The following WDPCP variants were observed in gnomAD, a reference collection of about 807,000 sequenced individuals.
The protein encoded by WDPCP is WD repeat-containing and planar cell polarity effector protein fritz homolog.
A neutral mutation model predicts 93.1 loss-of-function variants in WDPCP; 71 were observed. The observed-to-expected ratio is 0.76, with a 90% confidence interval of 0.63 to 0.93. The LOEUF (loss-of-function observed/expected upper bound fraction) is 0.93. Among genes scored for constraint, WDPCP ranks in the 40% least tolerant of loss-of-function variants. The probability of loss-of-function intolerance (pLI) is 0.00; values close to 1 mark genes in which losing one functional copy is unlikely to be tolerated. For synonymous variants in WDPCP, 315 were observed against 315.0 expected, an observed-to-expected ratio of 1.00 and a Z score of 0.00; for missense variants, 844 against 887.4, an observed-to-expected ratio of 0.95 and a Z score of 0.62.
At chr2:63,386,853 A>G (rs985076053) in intron 10 of WDPCP, among the ~76,000 whole-genome samples, 1 of 152,174 alleles carries the variant, frequency 6.6e-6, no homozygotes, top group Admixed American at 6.6e-5. Context: ...AGAGGATATT[A>G]GGAACACCTC....
At chr2:63,317,613 C>G (rs2104042244) in intron 12 of WDPCP, among the ~76,000 whole-genome samples, 1 of 152,150 alleles carries the variant, frequency 6.6e-6, no homozygotes, top group African/African-American at 2.4e-5. Context: ...AGCCAAACAC[C>G]TGCAACCAAC....
chr2:63,758,401 C>T (rs1044363886), intron 2 of WDPCP, among the ~76,000 whole-genome samples: 2 of 152,000 alleles, frequency 1.3e-5, no homozygotes, highest in African/African-American at 4.8e-5. Context: ...TTGTGGGTTT[C>T]AGGGTAATCA....
intron 14 of WDPCP, among the ~76,000 whole-genome samples, chr2:63,239,143 C>T (rs551869647): frequency 6.6e-6 from 1 of 152,170 alleles, no homozygotes; most frequent in African/African-American, 2.4e-5. Context: ...TGAAATAGAT[C>T]AGCTTTAAAT....
rs570261772 is a variant in WDPCP, at chr2:63,506,975, C to T, written c.76-14035G>A. ...AAGTCTCCCAGAAGAAAAAAAGAAA[C>T]GTACAGAGAAAGAGAGAGAGAGAAG... On this transcript the variant is annotated intron_variant, in intron 1 of 17. Coordinates refer to ENST00000272321, the MANE Select transcript of WDPCP (RefSeq NM_015910.7). 4.5e-3 allele frequency among the ~76,000 whole-genome samples: 682 copies of T among 151,706 alleles called. 3 individuals are homozygous for T. The highest frequency in any genetic ancestry group is 7.2e-3 in the Non-Finnish European group (491 of 67,872).
At chr2:63,267,766 A>G (rs961636600) in intron 13 of WDPCP, among the ~76,000 whole-genome samples, 1 of 152,192 alleles carries the variant, frequency 6.6e-6, no homozygotes, top group African/African-American at 2.4e-5. Context: ...TTAAAACCAC[A>G]ACGAGATATC....
chr2:63,616,789 A>G (rs1384278371), intron 3 of WDPCP, among the ~76,000 whole-genome samples: 3 of 152,226 alleles, frequency 2.0e-5, no homozygotes, highest in Non-Finnish European at 4.4e-5. Context: ...ATAATGTGAA[A>G]AGGACTAAAT....
chr2:63,250,119 C>T (rs1008557267), intron 14 of WDPCP, among the ~76,000 whole-genome samples: 1 of 152,134 alleles, frequency 6.6e-6, no homozygotes, highest in Non-Finnish European at 1.5e-5. Flanking sequence ...TCTGAATTGC[C>T]AGCATCACTA....
At chr2:63,782,843 A>G (rs895556724) in intron 2 of WDPCP, among the ~76,000 whole-genome samples, 1 of 151,884 alleles carries the variant, frequency 6.6e-6, no homozygotes, top group African/African-American at 2.4e-5. Flanking sequence ...TCCCTCAGGA[A>G]TGGAAAATGG....
intron 15 of WDPCP, among the ~76,000 whole-genome samples, chr2:63,169,326 A>G (rs1457262712): frequency 2.6e-5 from 4 of 152,188 alleles, no homozygotes; most frequent in Non-Finnish European, 5.9e-5. Context: ...ATGGATGACT[A>G]TACTATCCTT....
At chr2:63,263,505 G>A (rs899331798) in intron 13 of WDPCP, among the ~76,000 whole-genome samples, 1 of 152,152 alleles carries the variant, frequency 6.6e-6, no homozygotes, top group African/African-American at 2.4e-5. Flanking sequence ...TTCACCATGG[G>A]ATCACTCTTA....
intron 6 of WDPCP, among the ~76,000 whole-genome samples, chr2:63,473,605 G>A (rs1699807974): frequency 1.3e-5 from 2 of 152,080 alleles, no homozygotes; most frequent in Admixed American, 6.6e-5. Flanking sequence ...GAAAGCCTGT[G>A]GTCTGTAAAG....
intron 1 of WDPCP, among the ~76,000 whole-genome samples, chr2:63,577,109 C>A (rs1708166802): frequency 6.6e-6 from 1 of 152,174 alleles, no homozygotes; most frequent in Admixed American, 6.5e-5. Context: ...ATTTTAGATG[C>A]ATATTTCAAC....
chr2:63,833,976 C>T, the WDPCP span, among the ~76,000 whole-genome samples: 3 of 142,804 alleles, frequency 2.1e-5, no homozygotes, highest in Non-Finnish European at 4.8e-5. Context: ...TGCCAACATA[C>T]ACACACACAC....
At chr2:63,227,194 A>G (rs1678362588) in intron 14 of WDPCP, among the ~76,000 whole-genome samples, 1 of 152,118 alleles carries the variant, frequency 6.6e-6, no homozygotes, top group African/African-American at 2.4e-5. Flanking sequence ...TTATAAATAT[A>G]GCTTTAAAAT....
At position 63,270,831 on chromosome 2, in the gene WDPCP, G is replaced by A. The variant is rs372332016; in HGVS notation, c.1813-11422C>T. On this transcript the variant is annotated intron_variant, in intron 13 of 17. Transcript: ENST00000272321. The stretch of plus-strand genomic sequence containing the variant: ...CCTGAGACTAGTATAGGGACTTCTC[G>A]GAGTCCATGCAGTGGCACTGTTCCA... Among the ~76,000 whole-genome samples, 32 of 152,250 alleles carry A rather than the reference G, an allele frequency of 2.1e-4. 1 individual carries two copies. The highest frequency in any genetic ancestry group is 8.3e-4 in the South Asian group (4 of 4,820).
intron 1 of WDPCP, among the ~76,000 whole-genome samples, chr2:63,535,152 A>T (rs368118846): frequency 1.1e-3 from 173 of 152,270 alleles, no homozygotes; most frequent in African/African-American, 4.0e-3. Context: ...TCCAACTTAC[A>T]AGGGATGTGA....
intron 1 of WDPCP, among the ~76,000 whole-genome samples, chr2:63,496,717 G>A (rs1195203394): frequency 2.6e-5 from 4 of 152,120 alleles, no homozygotes; most frequent in African/African-American, 9.7e-5. Context: ...CACTGCTCTA[G>A]TTTCCCATTA....
rs144272441 is a variant in WDPCP at position 63,165,631 on chromosome 2, T to C, written c.2078+9039A>G. 1.3e-4 allele frequency among the ~76,000 whole-genome samples: 20 copies of C among 151,460 alleles called. No individual in the cohort carries two copies. The East Asian group carries it at 3.9e-3, about 29-fold the overall frequency. On this transcript the variant is annotated intron_variant, in intron 15 of 17. Coordinates refer to ENST00000272321, the MANE Select transcript of WDPCP (RefSeq NM_015910.7). Reference sequence around the variant, plus strand: ...ATCTTGTCTATTTCTTTTATGAAAATTGGTGTGCTTCAGATTTCTAAATTC... The same window carrying C: ...ATCTTGTCTATTTCTTTTATGAAAACTGGTGTGCTTCAGATTTCTAAATTC...
At chr2:63,589,053 G>C (rs892834606), upstream of WDPCP, 1 of 1,613,976 alleles carries the variant, frequency 6.2e-7, no homozygotes, top group African/African-American at 1.3e-5. Flanking sequence ...CATGGTGAGT[G>C]TGGGCCCCGG....
Sources: allele counts gnomAD v4.1 joint callset (sites outside exome capture counted in the v4.1 genomes callset), GRCh38; gene constraint gnomAD v4.1.1; transcripts MANE v1.5; gene names NCBI Gene and HGNC (gene_info 2026-07-23, HGNC 2026-07-21).